The following MAN2A1 variants were observed in gnomAD, a reference collection of about 807,000 sequenced individuals.
MAN2A1 encodes alpha-mannosidase 2.
A neutral mutation model predicts 142.6 loss-of-function variants in MAN2A1; 76 were observed. The observed-to-expected ratio is 0.53, with a 90% CI of 0.44 to 0.65. MAN2A1 has a LOEUF of 0.65. Among genes scored for constraint, MAN2A1 ranks in the 30% least tolerant of loss-of-function variants. MAN2A1 has a pLI of 0.00. For synonymous variants in MAN2A1, 559 were observed against 473.2 expected (o/e 1.18, Z -2.35); for missense variants, 1,311 against 1,365.1 (o/e 0.96, Z 0.62).
intron 4 of MAN2A1, among the ~76,000 whole-genome samples, chr5:109,733,394 A>G (rs545703577): frequency 2.0e-5 from 3 of 152,262 alleles, no homozygotes; most frequent in Admixed American, 1.3e-4. Flanking sequence ...AACTTCCAAC[A>G]CTATGTTGAA....
chr5:109,833,726 A>C (rs1754991118), intron 16 of MAN2A1, among the ~76,000 whole-genome samples: 2 of 151,410 alleles, frequency 1.3e-5, no homozygotes, highest in Non-Finnish European at 2.9e-5. Context: ...GGATTGAAGG[A>C]GTTTTCTTAT....
intron 1 of MAN2A1, among the ~76,000 whole-genome samples, chr5:109,698,726 T>TTC (rs1367952079): frequency 1.3e-5 from 2 of 152,240 alleles, no homozygotes; most frequent in Admixed American, 6.5e-5. Context: ...CTTCATTGGC[T>TTC]TCAGTGAGGA....
At chr5:109,818,373 T>G (rs994245033) in intron 13 of MAN2A1, among the ~76,000 whole-genome samples, 2 of 152,054 alleles carry the variant, frequency 1.3e-5, no homozygotes, top group African/African-American at 4.8e-5. Flanking sequence ...CCTGACCCCG[T>G]GATCCACCTT....
At chr5:109,847,535 C>G in intron 18 of MAN2A1, 122 bp from the exon 19 acceptor site, 3 of 817,954 alleles carry the variant, frequency 3.7e-6, no homozygotes, top group Non-Finnish European at 5.1e-6. Flanking sequence ...TATAAATCCA[C>G]CTCCTTGACT....
intron 16 of MAN2A1, among the ~76,000 whole-genome samples, chr5:109,828,979 A>C (rs146929131): frequency 1.1e-3 from 164 of 152,372 alleles, no homozygotes; most frequent in African/African-American, 3.7e-3. Context: ...GAGAATCAAA[A>C]TGAGCTTCAT....
chr5:109,838,476 C>T (rs1277489857), intron 16 of MAN2A1, among the ~76,000 whole-genome samples: 1 of 152,126 alleles, frequency 6.6e-6, no homozygotes, highest in East Asian at 1.9e-4. Flanking sequence ...TAAAACAGAC[C>T]ACTGGATACT....
At chr5:109,847,978 G>T (rs1755385849) in intron 19 of MAN2A1, among the ~76,000 whole-genome samples, 188 bp downstream of exon 19, 1 of 151,996 alleles carries the variant, frequency 6.6e-6, no homozygotes. Flanking sequence ...TTGCACTTAG[G>T]TCTTTTTATT....
chr5:109,853,694 A>G (rs976019085), intron 19 of MAN2A1: 1 of 152,178 alleles, frequency 6.6e-6, no homozygotes, highest in African/African-American at 2.4e-5. Flanking sequence ...TTTGTCAGCA[A>G]TCCTAACTTA....
At chr5:109,828,898 G>C (rs987302675) in intron 16 of MAN2A1, among the ~76,000 whole-genome samples, 2 of 152,112 alleles carry the variant, frequency 1.3e-5, no homozygotes, top group African/African-American at 4.8e-5. Flanking sequence ...GAACAGAGTT[G>C]CTTAGTTTTT....
At chr5:109,702,552 C>T (rs1205374066) in intron 1 of MAN2A1, among the ~76,000 whole-genome samples, 1 of 152,036 alleles carries the variant, frequency 6.6e-6, no homozygotes, top group East Asian at 1.9e-4. Context: ...GGTAGGTGAC[C>T]CCATGAACTG....
intron 13 of MAN2A1, among the ~76,000 whole-genome samples, chr5:109,819,233 C>A (rs1187575561): frequency 6.6e-6 from 1 of 152,104 alleles, no homozygotes; most frequent in Non-Finnish European, 1.5e-5. Flanking sequence ...GAAAGGTAGA[C>A]TAGGCTAAGC....
chr5:109,774,788 G>C lies in MAN2A1; in HGVS notation c.1197G>C (p.Arg399Ser), dbSNP rs200038038. The change falls in exon 8 of 22, where the codon AGG becomes AGC. Residue 399 changes from arginine (R) to serine (S), a missense_variant and splice_region_variant. Physicochemically the swap from Arg to Ser is moderately radical, Grantham distance 110 (BLOSUM62 -1). This residue lies in a region of MAN2A1 where 890 missense variants were observed against 920.5 expected (regional missense o/e 0.97). Transcript: ENST00000261483. ...ETIHPGNVQS[R>S]ARMLLDQYRK... The stretch of plus-strand genomic sequence containing the variant: ...TTTTTTGTGTTTGTTTTTTTTGTAG[G>C]GCTCGGATGCTACTAGATCAGTACC... The C allele has an allele frequency of 6.3e-7, 1 of 1,586,506 alleles. No individual in the cohort carries two copies. Among genetic ancestry groups the C allele is most frequent in the Admixed American group, 1.8e-5 (1 of 54,602 alleles).
intron 4 of MAN2A1, among the ~76,000 whole-genome samples, chr5:109,740,480 A>G (rs1462140546): frequency 6.6e-6 from 1 of 152,036 alleles, no homozygotes; most frequent in East Asian, 2.0e-4. Flanking sequence ...TCAGAAGGAA[A>G]CTGGGTCTGC....
intron 1 of MAN2A1, among the ~76,000 whole-genome samples, chr5:109,705,159 C>G (rs188299414): frequency 1.3e-5 from 2 of 152,206 alleles, no homozygotes; most frequent in Non-Finnish European, 2.9e-5. Context: ...CCTCCCATTC[C>G]TAACTCATCT....
At chr5:109,758,335 G>A (rs957047778) in intron 5 of MAN2A1, among the ~76,000 whole-genome samples, 3 of 151,928 alleles carry the variant, frequency 2.0e-5, no homozygotes, top group African/African-American at 7.3e-5. Context: ...AAGGATAAAT[G>A]TCTATTCTAA....
At chr5:109,847,175 A>G (rs1292500962) in intron 18 of MAN2A1, among the ~76,000 whole-genome samples, 1 of 152,146 alleles carries the variant, frequency 6.6e-6, no homozygotes, top group Admixed American at 6.5e-5. Context: ...TTAAATTCTC[A>G]AAGCTGTGCC....
intron 8 of MAN2A1, among the ~76,000 whole-genome samples, chr5:109,780,159 G>A (rs987166013): frequency 2.6e-5 from 4 of 152,062 alleles, no homozygotes; most frequent in African/African-American, 7.2e-5. Context: ...CTGGGTTCAC[G>A]CCATTCTCCT....
chr5:109,784,198 T>A (rs1753536309), intron 9 of MAN2A1, among the ~76,000 whole-genome samples: 1 of 152,160 alleles, frequency 6.6e-6, no homozygotes, highest in Non-Finnish European at 1.5e-5. Context: ...TCTGTATTTG[T>A]TATATGTTAT....
chr5:109,823,097 C>T (rs1754670663), intron 15 of MAN2A1, among the ~76,000 whole-genome samples: 1 of 152,142 alleles, frequency 6.6e-6, no homozygotes, highest in African/African-American at 2.4e-5. Flanking sequence ...AATTTGCTTC[C>T]ATGTCACATA....
Sources: gnomAD v4.1 joint callset for allele counts (sites outside exome capture counted in the v4.1 genomes callset) on GRCh38, gnomAD v4.1.1 for gene constraint, gnomAD v4.1.1 regional missense constraint, MANE v1.5 for transcripts, NCBI Gene and HGNC (gene_info 2026-07-23, HGNC 2026-07-21) for gene names.